CTIF: variants seen among roughly 807,000 people sequenced by gnomAD.
CTIF encodes the protein CBP80/20-dependent translation initiation factor.
CTIF carries 21 observed loss-of-function variants against 66.0 expected under a neutral mutation model. The ratio of observed to expected loss-of-function variants is 0.32; its 90% CI spans 0.23 to 0.46. The LOEUF (loss-of-function observed/expected upper bound fraction) is 0.46, where lower values mean the gene tolerates loss of function less well. CTIF is among the 20% of genes least tolerant of loss of function. CTIF has a pLI of 1.00. For synonymous variants in CTIF, 345 were observed against 326.4 expected (o/e 1.06, Z -0.62); for missense variants, 739 against 812.7 (o/e 0.91, Z 1.10).
chr18:48,812,184 G>A (rs1452589902), intron 9 of CTIF, among the ~76,000 whole-genome samples: 5 of 152,098 alleles, frequency 3.3e-5, no homozygotes, highest in Non-Finnish European at 5.9e-5. Flanking sequence ...GGCTGGTCTC[G>A]AACTCCTGAC....
intron 1 of CTIF, among the ~76,000 whole-genome samples, chr18:48,555,988 G>A (rs967188093): frequency 1.3e-5 from 2 of 152,210 alleles, no homozygotes; most frequent in African/African-American, 4.8e-5. Context: ...TTGCCAGGAG[G>A]AGGCAGGCAG....
chr18:48,788,702 G>A (rs532279747), intron 9 of CTIF, among the ~76,000 whole-genome samples: 1 of 152,162 alleles, frequency 6.6e-6, no homozygotes, highest in East Asian at 1.9e-4. Flanking sequence ...AGGTGTGGCT[G>A]TAATAGGAAC....
chr18:48,741,319 T>C (rs1178878059), intron 7 of CTIF, among the ~76,000 whole-genome samples: 1 of 142,468 alleles, frequency 7.0e-6, no homozygotes, highest in African/African-American at 2.6e-5. Context: ...CAGTGGGTAC[T>C]CCGTGAGCTT....
intron 3 of CTIF, among the ~76,000 whole-genome samples, chr18:48,659,353 C>A (rs2091302179): frequency 6.6e-6 from 1 of 152,150 alleles, no homozygotes; most frequent in South Asian, 2.1e-4. Flanking sequence ...CGATGCCTTG[C>A]CCACTGCTCT....
intron 10 of CTIF, among the ~76,000 whole-genome samples, chr18:48,853,178 G>T (rs545564183): frequency 2.6e-5 from 4 of 152,170 alleles, no homozygotes; most frequent in Non-Finnish European, 5.9e-5. Context: ...GACCGACATC[G>T]CCCTACCCTC....
At chr18:48,803,363 G>A (rs2068082983) in intron 9 of CTIF, among the ~76,000 whole-genome samples, 1 of 152,216 alleles carries the variant, frequency 6.6e-6, no homozygotes, top group African/African-American at 2.4e-5. Flanking sequence ...AATAGTTAAA[G>A]GATCGGCATT....
At chr18:48,651,397 A>G (rs778942973) in intron 3 of CTIF, among the ~76,000 whole-genome samples, 57 of 152,216 alleles carry the variant, frequency 3.7e-4, no homozygotes, top group Non-Finnish European at 7.2e-4. Context: ...AGAGACAAAG[A>G]AGGCCATTAC....
chr18:48,637,184 C>T (rs299717), intron 3 of CTIF, among the ~76,000 whole-genome samples: 22,128 of 152,150 alleles, frequency 0.15, 1,844 homozygotes, highest in African/African-American at 0.23. Flanking sequence ...GTCCATCCCC[C>T]CAGCCAACCA....
chr18:48,741,440 T>TTTGGG (rs1598960613), intron 7 of CTIF, among the ~76,000 whole-genome samples: 1 of 149,212 alleles, frequency 6.7e-6, no homozygotes, highest in Admixed American at 6.7e-5. Flanking sequence ...TTTTTTTTTT[T>TTTGGG]GAGGCGGAGT....
chr18:48,590,864 C>T (rs111757627), intron 1 of CTIF, among the ~76,000 whole-genome samples: 3 of 152,132 alleles, frequency 2.0e-5, no homozygotes, highest in African/African-American at 7.2e-5. Flanking sequence ...TCATTTACCC[C>T]ATAGTGTGAA....
At chr18:48,836,050 A>C (rs2146496743) in intron 10 of CTIF, among the ~76,000 whole-genome samples, 1 of 151,494 alleles carries the variant, frequency 6.6e-6, no homozygotes, top group Non-Finnish European at 1.5e-5. Context: ...GCCCATGAAC[A>C]TTTGCTGCAG....
At chr18:48,683,141 G>A (rs2091776118) in intron 6 of CTIF, 1 of 152,130 alleles carries the variant, frequency 6.6e-6, no homozygotes, top group African/African-American at 2.4e-5. Flanking sequence ...TGGGTGGCAG[G>A]GGGAAGCCTC....
chr18:48,541,408 G>C (rs1483525981), intron 1 of CTIF, among the ~76,000 whole-genome samples: 1 of 152,354 alleles, frequency 6.6e-6, no homozygotes, highest in Non-Finnish European at 1.5e-5. Flanking sequence ...AGCCAGGGCC[G>C]AGAGGAAGGA....
intron 1 of CTIF, chr18:48,565,190 C>T (rs931493792): frequency 1.3e-5 from 2 of 152,152 alleles, no homozygotes; most frequent in Non-Finnish European, 2.9e-5. Context: ...GGAGACTTTG[C>T]AAGCTGTTTT....
chr18:48,663,612 C>G lies in CTIF; in HGVS notation c.253-140C>G, dbSNP rs2091383240. 9.5e-6 allele frequency: 7 copies of G among 740,604 alleles called. No individual in the cohort carries two copies. In the South Asian group the frequency reaches 1.1e-4, roughly 12 times the overall value. 45.9% of individuals were successfully genotyped at this position (740,604 alleles called of 1,614,324 possible). ...GGCCAGGAGACCCCCAGGCAGTCCC[C>G]TGACTCTGACTGGGTGCACCAGCCA... On this transcript the variant is annotated intron_variant, in intron 3 of 11. Coordinates refer to ENST00000256413, the MANE Select transcript of CTIF (RefSeq NM_014772.3).
At chr18:48,730,892 G>T (rs1038820348) in intron 7 of CTIF, among the ~76,000 whole-genome samples, 3 of 152,052 alleles carry the variant, frequency 2.0e-5, no homozygotes, top group African/African-American at 7.3e-5. Context: ...CTTCCACAGT[G>T]GACCATGCTG....
rs537136291 is a variant in CTIF, at chr18:48,726,803, A to G, written c.584+15108A>G. On this transcript the variant is annotated intron_variant, in intron 7 of 11. Transcript: ENST00000256413. ...GGGAGGGGACTTTACAGGGATATAA[A>G]TTCCATAAAGTGGGGATCACTGGGG... is the stretch of plus-strand genomic sequence containing the variant. 3.9e-5 allele frequency among the ~76,000 whole-genome samples: 6 copies of G among 152,240 alleles called. No individual in the cohort carries two copies. The East Asian group carries it at 1.2e-3, about 29-fold the overall frequency.
At chr18:48,818,056 T>C (rs1599102854) in intron 10 of CTIF, among the ~76,000 whole-genome samples, 1 of 152,384 alleles carries the variant, frequency 6.6e-6, no homozygotes, top group East Asian at 1.9e-4. Context: ...TATTTTCTTC[T>C]AAATTTCATC....
At chr18:48,820,780 C>G (rs2068466978) in intron 10 of CTIF, among the ~76,000 whole-genome samples, 1 of 152,230 alleles carries the variant, frequency 6.6e-6, no homozygotes, top group Admixed American at 6.5e-5. Context: ...GAGTAAAACC[C>G]AAACCCACAG....
Sources: gnomAD v4.1 joint callset for allele counts (sites outside exome capture counted in the v4.1 genomes callset) on GRCh38, gnomAD v4.1.1 for gene constraint, MANE v1.5 for transcripts, NCBI Gene and HGNC (gene_info 2026-07-23, HGNC 2026-07-21) for gene names.